Variants in PODN observed in about 807,000 individuals in gnomAD.
The protein encoded by PODN is podocan, also known as podocan proteoglycan.
In PODN, 40 loss-of-function variants were observed where a neutral mutation model predicts 52.7. That is an observed-to-expected ratio of 0.76 (90% confidence interval 0.59 to 0.99). PODN has a LOEUF of 0.99. Among genes scored for constraint, PODN ranks in the 50% least tolerant of loss-of-function variants. The probability of loss-of-function intolerance (pLI) is 0.00; values close to 1 mark genes in which losing one functional copy is unlikely to be tolerated. For missense variants in PODN, 720 were observed against 815.1 expected, an observed-to-expected ratio of 0.88 and a Z score of 1.42; for synonymous variants, 396 against 377.9, an observed-to-expected ratio of 1.05 and a Z score of -0.56.
chr1:53,081,143 A>C (rs1161073425), intron 9 of PODN, among the ~76,000 whole-genome samples: 1 of 152,242 alleles, frequency 6.6e-6, no homozygotes, highest in Non-Finnish European at 1.5e-5. Context: ...CCTGGTTTGC[A>C]GCTGAGAGAG....
intron 8 of PODN, among the ~76,000 whole-genome samples, chr1:53,079,862 G>C (rs540712363): frequency 9.9e-5 from 15 of 152,040 alleles, no homozygotes; most frequent in African/African-American, 3.1e-4. Context: ...ATTTAGCCCC[G>C]TGCAGTGGCA....
chr1:53,077,780 C>T lies in PODN; in HGVS notation c.834C>T (p.Gly278=), dbSNP rs1644218631. 6.2e-7 allele frequency: 1 copy of T among 1,613,416 alleles called. No homozygotes were observed. The highest frequency in any genetic ancestry group is 1.7e-5 in the Admixed American group (1 of 59,990). The change falls in exon 7 of 11, where the codon GGC becomes GGT. Residue 278 remains glycine (G), a synonymous_variant. Transcript: ENST00000312553. ...YLQNNYLTDE[G]LDNETFWKLS... is the part of the protein sequence containing the mutation. ...AGAACAACTACCTGACTGACGAGGGCCTGGACAACGAGACCTTCTGGTGAG... is the reference window on the plus strand; with the variant it reads ...AGAACAACTACCTGACTGACGAGGGTCTGGACAACGAGACCTTCTGGTGAG...
In PODN at chr1:53,078,833, G is replaced by A; in HGVS notation, c.1323G>A (p.Arg441=). 1 of 1,612,762 alleles carries A rather than the reference G, an allele frequency of 6.2e-7. No individual in the cohort carries two copies. Among genetic ancestry groups the A allele is most frequent in the Non-Finnish European group, 8.5e-7 (1 of 1,179,690 alleles). The change falls in exon 8 of 11, where the codon CGG becomes CGA. Residue 441 remains arginine (R), a synonymous_variant. Transcript: ENST00000312553. ...GCTCGCTGGACCTGTCGGGCAACCG[G>A]CTGCACACGCTGCCACCTGGGCTGC... The part of the protein sequence containing the change: ...LLRSLDLSGN[R]LHTLPPGLPR...
At position 53,074,682 on chromosome 1, in the gene PODN, G is replaced by A. The variant is rs1191707576; in HGVS notation, c.471+12G>A. 4 of 1,613,608 alleles carry A rather than the reference G, an allele frequency of 2.5e-6. No individual in the cohort carries two copies. Among genetic ancestry groups the A allele is most frequent in the Non-Finnish European group, 3.4e-6 (4 of 1,179,790 alleles). On this transcript the variant is annotated intron_variant, in intron 4 of 10. Transcript: ENST00000312553. ...TGGCCAATAACAAGGTGAGGGGCTT[G>A]AGGCAGGGTGGGGGGTTGCTGCCCT...
At chr1:53,076,280 C>T (rs1057115969) in intron 5 of PODN, among the ~76,000 whole-genome samples, 30 of 152,216 alleles carry the variant, frequency 2.0e-4, no homozygotes, top group African/African-American at 6.3e-4. Flanking sequence ...GGAGCAACCG[C>T]CCCCCAGCAT....
At chr1:53,073,879 T>G (rs1172559725) in intron 3 of PODN, 1 of 152,286 alleles carries the variant, frequency 6.6e-6, no homozygotes, top group Non-Finnish European at 1.5e-5. Flanking sequence ...CTTTGTGTTT[T>G]AAACTCGTGG....
intron 10 of PODN, among the ~76,000 whole-genome samples, chr1:53,083,494 G>A (rs1281152549): frequency 6.6e-6 from 1 of 152,338 alleles, no homozygotes; most frequent in Non-Finnish European, 1.5e-5. Context: ...GGAACAAAGG[G>A]CAGGGTGGCT....
intron 1 of PODN, among the ~76,000 whole-genome samples, chr1:53,069,015 C>G (rs6697308): frequency 0.11 from 16,220 of 152,116 alleles, 1,586 homozygotes; most frequent in African/African-American, 0.25. Context: ...AGTCGCTGAT[C>G]CTTTCTCTGT....
intron 1 of PODN, among the ~76,000 whole-genome samples, chr1:53,069,289 G>A (rs1002631761): frequency 1.3e-5 from 2 of 152,230 alleles, no homozygotes; most frequent in East Asian, 1.9e-4. Context: ...AACAGCATGT[G>A]CAAAGGCCTG....
chr1:53,074,551 C>T (rs1644166300), intron 3 of PODN, 55 bp from the exon 4 acceptor site: 7 of 1,602,872 alleles, frequency 4.4e-6, no homozygotes, highest in South Asian at 3.3e-5. Flanking sequence ...GCTTGCTGTG[C>T]TTCCCTGTGG....
intron 8 of PODN, among the ~76,000 whole-genome samples, chr1:53,079,378 C>CA (rs1174920793): frequency 1.3e-5 from 2 of 152,162 alleles, no homozygotes; most frequent in Non-Finnish European, 2.9e-5. Flanking sequence ...TAAGGAAGGT[C>CA]ATGGCTGCAG....
At chr1:53,073,325 C>G (rs79757372) in intron 3 of PODN, 1,708 of 159,164 alleles carry the variant, frequency 0.011, 34 homozygotes, top group African/African-American at 0.039. Context: ...CTTTAGCTTT[C>G]TGAAGAAGTT....
At chr1:53,076,997 G>T (rs972195509) in intron 5 of PODN, among the ~76,000 whole-genome samples, 193 bp from the exon 6 acceptor site, 4 of 152,250 alleles carry the variant, frequency 2.6e-5, no homozygotes, top group African/African-American at 9.6e-5. Flanking sequence ...GGGACCACCT[G>T]TGGTGGGGCA....
chr1:53,077,297 G>A lies in PODN; in HGVS notation c.689G>A (p.Arg230His), dbSNP rs1333307112. The A allele has an allele frequency of 9.3e-6, 15 of 1,613,212 alleles. No individual in the cohort carries two copies. Among genetic ancestry groups the A allele is most frequent in the Middle Eastern group, 1.6e-4 (1 of 6,084 alleles). The change falls in exon 6 of 11, where the codon CGC (arginine) becomes CAC (histidine). Residue 230 changes from arginine (R) to histidine (H), a missense_variant. Arg to His is a conservative substitution (Grantham distance 29). Coordinates refer to ENST00000312553, the MANE Select transcript of PODN (RefSeq NM_153703.5). ...EVLILSSNFL[R>H]HVPKHLPPAL... Reference sequence around the variant, plus strand: ...CTCATCCTGTCCAGCAACTTCCTGCGCCACGTGCCCAAGCACCTGCCGCCT... The same window carrying A: ...CTCATCCTGTCCAGCAACTTCCTGCACCACGTGCCCAAGCACCTGCCGCCT...
rs764181698 is a variant in PODN at position 53,078,527 on chromosome 1, G to T, written c.1017G>T (p.Leu339=). Residue 339 remains leucine, a synonymous_variant, in exon 8 of 11, where the codon CTG becomes CTT. Transcript: ENST00000312553. ...LTPIRSLEYL[L]LHSNQLREQG... ...CCATCCGCAGCCTGGAGTACCTGCTGCTGCACAGCAACCAGCTGCGGGAGC... is the reference window on the plus strand; with the variant it reads ...CCATCCGCAGCCTGGAGTACCTGCTTCTGCACAGCAACCAGCTGCGGGAGC... 1 of 1,613,268 alleles carries T rather than the reference G, an allele frequency of 6.2e-7. No homozygotes were observed. The highest frequency in any genetic ancestry group is 8.5e-7 in the Non-Finnish European group (1 of 1,180,048).
intron 8 of PODN, among the ~76,000 whole-genome samples, chr1:53,079,427 G>A (rs563080532): frequency 6.6e-6 from 1 of 152,294 alleles, no homozygotes; most frequent in South Asian, 2.1e-4. Flanking sequence ...GGGCCAGTTC[G>A]GGTGGTATGT....
At chr1:53,076,440 G>A (rs558854641) in intron 5 of PODN, among the ~76,000 whole-genome samples, 69 of 152,194 alleles carry the variant, frequency 4.5e-4, no homozygotes, top group Non-Finnish European at 8.8e-4. Context: ...GAGGACCCAG[G>A]ACCACTGTAC....
intron 6 of PODN, 103 bp from the exon 7 acceptor site, chr1:53,077,582 C>T: frequency 7.9e-7 from 1 of 1,264,332 alleles, no homozygotes; most frequent in Admixed American, 2.2e-5. Flanking sequence ...GTCTGGGTGC[C>T]TTCCTGGTGG....
chr1:53,077,996 A>C (rs1163266644), intron 7 of PODN, among the ~76,000 whole-genome samples, 196 bp downstream of exon 7: 1 of 152,210 alleles, frequency 6.6e-6, no homozygotes, highest in Non-Finnish European at 1.5e-5. Context: ...AAGGCCTTCC[A>C]AGATTCCAGT....
Sources: allele counts gnomAD v4.1 joint callset (sites outside exome capture counted in the v4.1 genomes callset), GRCh38; gene constraint gnomAD v4.1.1; transcripts MANE v1.5; gene names NCBI Gene and HGNC (gene_info 2026-07-23, HGNC 2026-07-21).